Variants in TESK2 observed in about 807,000 individuals in gnomAD.
TESK2 encodes the protein testis associated actin remodelling kinase 2.
A neutral mutation model predicts 57.1 loss-of-function variants in TESK2; 39 were observed. That is an observed-to-expected ratio of 0.68 (90% CI 0.53 to 0.89). The LOEUF is 0.89. Among genes scored for constraint, TESK2 ranks in the 40% least tolerant of loss-of-function variants. TESK2 has a pLI of 0.00. For missense variants in TESK2, 646 were observed against 732.1 expected, an observed-to-expected ratio of 0.88 and a Z score of 1.36; for synonymous variants, 249 against 267.9, an observed-to-expected ratio of 0.93 and a Z score of 0.69.
At chr1:45,440,757 T>C (rs1243187733) in intron 2 of TESK2, among the ~76,000 whole-genome samples, 2 of 151,516 alleles carry the variant, frequency 1.3e-5, no homozygotes, top group South Asian at 2.1e-4. Context: ...AATATATATA[T>C]ATTTGTACCA....
chr1:45,412,990 G>A (rs1293488641), intron 3 of TESK2, among the ~76,000 whole-genome samples: 3 of 152,154 alleles, frequency 2.0e-5, no homozygotes, highest in South Asian at 2.1e-4. Flanking sequence ...GTGAGGCCCT[G>A]TCTTGGGGTC....
chr1:45,418,762 T>C (rs1650345925), intron 3 of TESK2, among the ~76,000 whole-genome samples: 1 of 152,152 alleles, frequency 6.6e-6, no homozygotes, highest in African/African-American at 2.4e-5. Context: ...CATTTTTATA[T>C]CTGTGCTTTC....
chr1:45,453,463 T>C (rs576296529), intron 2 of TESK2, among the ~76,000 whole-genome samples: 4 of 151,566 alleles, frequency 2.6e-5, no homozygotes, highest in Admixed American at 2.0e-4. Flanking sequence ...TTTCAACAAA[T>C]GGTGCTTGTA....
At chr1:45,422,377 C>CT (rs936187572) in intron 2 of TESK2, among the ~76,000 whole-genome samples, 2 of 151,908 alleles carry the variant, frequency 1.3e-5, no homozygotes, top group African/African-American at 4.8e-5. Flanking sequence ...CCCATGTTTT[C>CT]TTTTTTTTAG....
chr1:45,481,567 G>A (rs1653226388), intron 1 of TESK2, among the ~76,000 whole-genome samples: 1 of 152,068 alleles, frequency 6.6e-6, no homozygotes, highest in Admixed American at 6.6e-5. Flanking sequence ...CAGGCCTCGA[G>A]TAATCCTCCC....
chr1:45,417,401 T>C (rs1286123464), intron 3 of TESK2, among the ~76,000 whole-genome samples: 2 of 151,932 alleles, frequency 1.3e-5, no homozygotes, highest in Non-Finnish European at 2.9e-5. Context: ...CCGGCTAATT[T>C]TATATTTTTT....
chr1:45,371,142 T>C (rs1648161491), intron 4 of TESK2, among the ~76,000 whole-genome samples: 1 of 150,720 alleles, frequency 6.6e-6, no homozygotes. Context: ...GGAACCCTTA[T>C]GCACCATCAA....
intron 2 of TESK2, among the ~76,000 whole-genome samples, chr1:45,433,947 TTTG>T (rs1215794958): frequency 1.3e-5 from 2 of 151,500 alleles, no homozygotes; most frequent in Admixed American, 6.6e-5. Flanking sequence ...TCAGATCTGG[TTTG>T]TTTTTTGTTT....
intron 4 of TESK2, among the ~76,000 whole-genome samples, chr1:45,366,197 C>T (rs1054501239): frequency 6.6e-6 from 1 of 152,038 alleles, no homozygotes; most frequent in East Asian, 1.9e-4. Context: ...AGCAATTCTC[C>T]TGCATCAGCC....
intron 3 of TESK2, among the ~76,000 whole-genome samples, chr1:45,407,457 C>CT (rs1176704685): frequency 1.3e-5 from 2 of 152,022 alleles, no homozygotes; most frequent in African/African-American, 2.4e-5. Flanking sequence ...TATTTTACCC[C>CT]TTTTTTCATT....
chr1:45,381,886 A>T (rs1538969), intron 4 of TESK2, among the ~76,000 whole-genome samples: 36,019 of 131,908 alleles, frequency 0.27, 5,002 homozygotes, highest in Admixed American at 0.4. Context: ...TTTTTTTTTA[A>T]GAGGTCTCTC....
At chr1:45,432,112 G>A (rs1188451607) in intron 2 of TESK2, among the ~76,000 whole-genome samples, 1 of 151,934 alleles carries the variant, frequency 6.6e-6, no homozygotes, top group African/African-American at 2.4e-5. Flanking sequence ...ACCCAGGCAT[G>A]GTGGTGCATG....
At chr1:45,467,612 G>A (rs904345861) in intron 1 of TESK2, among the ~76,000 whole-genome samples, 6 of 149,982 alleles carry the variant, frequency 4.0e-5, no homozygotes, top group African/African-American at 1.5e-4. Flanking sequence ...TTACAGGCAT[G>A]AGCCACTGTG....
intron 1 of TESK2, among the ~76,000 whole-genome samples, chr1:45,459,721 T>C (rs1304176240): frequency 6.6e-6 from 1 of 152,134 alleles, no homozygotes; most frequent in African/African-American, 2.4e-5. Flanking sequence ...TACACGCCTG[T>C]AGTCCCAGCT....
At position 45,417,660 on chromosome 1, in the gene TESK2, C is replaced by A. The variant is rs565316506; in HGVS notation, c.344+4065G>T. 3.0e-3 allele frequency among the ~76,000 whole-genome samples: 463 copies of A among 151,814 alleles called. 1 individual carries two copies. Among genetic ancestry groups the A allele is most frequent in the Non-Finnish European group, 4.5e-3 (305 of 67,952 alleles). ...GGGCTGGAGTGCGGTGGCGCGATCT[C>A]GGCTCACTGCAAGCTCTGCCTCCAG... is the stretch of plus-strand genomic sequence containing the variant. On this transcript the variant is annotated intron_variant, in intron 3 of 10. Coordinates refer to ENST00000372086, the MANE Select transcript of TESK2 (RefSeq NM_007170.3).
chr1:45,477,782 A>C (rs1208942704), intron 1 of TESK2, among the ~76,000 whole-genome samples: 2 of 152,184 alleles, frequency 1.3e-5, no homozygotes, highest in African/African-American at 4.8e-5. Context: ...CTGCTCCACT[A>C]TAATTAGGCT....
At chr1:45,388,114 T>G (rs1004017470) in intron 3 of TESK2, among the ~76,000 whole-genome samples, 6 of 152,198 alleles carry the variant, frequency 3.9e-5, no homozygotes, top group Non-Finnish European at 8.8e-5. Flanking sequence ...TTTGAGGGTA[T>G]GCCATTAATT....
intron 4 of TESK2, among the ~76,000 whole-genome samples, chr1:45,384,648 G>A (rs370658257): frequency 1.1e-4 from 12 of 104,848 alleles, no homozygotes; most frequent in Non-Finnish European, 1.9e-4. Flanking sequence ...GCCTTGCTAT[G>A]TTGCCCAGGC....
chr1:45,372,251 TTGA>T (rs1648219237), intron 4 of TESK2, among the ~76,000 whole-genome samples: 1 of 148,212 alleles, frequency 6.7e-6, no homozygotes, highest in Non-Finnish European at 1.5e-5. Context: ...CATCTTATTT[TTGA>T]AAAAATAACA....
Sources: allele counts gnomAD v4.1 joint callset (sites outside exome capture counted in the v4.1 genomes callset), GRCh38; gene constraint gnomAD v4.1.1; transcripts MANE v1.5; gene names NCBI Gene and HGNC (gene_info 2026-07-23, HGNC 2026-07-21).